PCYT1B: variants seen among roughly 807,000 people sequenced by gnomAD.
The protein encoded by PCYT1B is phosphate cytidylyltransferase 1B, choline.
Under a neutral mutation model 26.4 loss-of-function variants are expected in PCYT1B, and 10 were observed. That is an observed-to-expected ratio of 0.38 (90% CI 0.23 to 0.64). The LOEUF is 0.64. Among genes scored for constraint, PCYT1B ranks in the 30% least tolerant of loss-of-function variants. PCYT1B has a pLI of 0.56. For synonymous variants in PCYT1B, 131 were observed against 108.4 expected (o/e 1.21, Z -1.29); for missense variants, 161 against 292.7 (o/e 0.55, Z 3.28).
rs112899360 is a variant in PCYT1B, at chrX:24,577,775, G to A, written c.708+1541C>T. ...ATGAATCATCCTTTGAAAATACAGC[G>A]TCTATTTTGGGGGTTAGAATTCTGT... On this transcript the variant is annotated intron_variant, in intron 6 of 7. Transcript: ENST00000379144. Among the ~76,000 whole-genome samples, 861 of 111,448 alleles carry A rather than the reference G, an allele frequency of 7.7e-3. 4 individuals carry two copies. Among genetic ancestry groups the A allele is most frequent in the Non-Finnish European group, 0.012 (636 of 53,159 alleles).
chrX:24,670,100 GA>G (rs1569261863), intron 1 of PCYT1B, among the ~76,000 whole-genome samples: 93 of 83,989 alleles, frequency 1.1e-3, no homozygotes, highest in East Asian at 4.2e-3. Flanking sequence ...AAGAAAGAAA[GA>G]AAGAAAGAAA....
Position 24,562,368 on chromosome X carries a change from G to A in PCYT1B, c.1035C>T (p.Thr345=), listed in dbSNP as rs142449353. 6 of 1,178,036 alleles carry A rather than the reference G, an allele frequency of 5.1e-6. No homozygotes were observed. The highest frequency in any genetic ancestry group is 6.8e-6 in the Non-Finnish European group (6 of 880,163). The change falls in exon 8 of 8, where the codon ACC becomes ACT. Residue 345 remains threonine (T), a synonymous_variant. Transcript: ENST00000379144. ...SPTFSWLPLK[T]SPPSSPKAAS... ...CTGCTTTGGGTGAGGAAGGGGGTGAGGTTTTGAGTGGAAGCCATGAGAAGG... is the reference window on the plus strand; with the variant it reads ...CTGCTTTGGGTGAGGAAGGGGGTGAAGTTTTGAGTGGAAGCCATGAGAAGG...
At chrX:24,645,056 T>C (rs1255983632) in intron 1 of PCYT1B, among the ~76,000 whole-genome samples, 1 of 110,950 alleles carries the variant, frequency 9.0e-6, no homozygotes. Context: ...ATAGTGAGAC[T>C]CCATCTTAAA....
At chrX:24,644,282 T>C (rs1463927336) in intron 1 of PCYT1B, among the ~76,000 whole-genome samples, 1 of 111,800 alleles carries the variant, frequency 8.9e-6, no homozygotes, top group Non-Finnish European at 1.9e-5. Context: ...AAAATTTTAG[T>C]AGTGTTTTAT....
chrX:24,588,446 C>A (rs1338901352), intron 4 of PCYT1B, among the ~76,000 whole-genome samples: 1 of 111,689 alleles, frequency 9.0e-6, no homozygotes, highest in Non-Finnish European at 1.9e-5. Flanking sequence ...ACACTCCTTG[C>A]CTAGATTTTA....
At chrX:24,589,565 G>A (rs934341413) in intron 4 of PCYT1B, among the ~76,000 whole-genome samples, 2 of 111,957 alleles carry the variant, frequency 1.8e-5, no homozygotes, top group East Asian at 5.6e-4. Flanking sequence ...CCTGTGAATC[G>A]ATAAGCATCA....
rs1417971951 is a variant in PCYT1B at position 24,560,391 on chromosome X, G to T, written c.*1902C>A. The T allele has an allele frequency of 1.8e-5, 2 of 111,790 alleles. No individual in the cohort carries two copies. Among genetic ancestry groups the T allele is most frequent in the Non-Finnish European group, 3.8e-5 (2 of 53,191 alleles). 9.2% of individuals were successfully genotyped at this position (111,790 alleles called of 1,213,427 possible). A position where few individuals can be genotyped will look rare whatever the true frequency, so the allele number is the denominator to read the frequency against. ...CATGGCTTGACCTGAGTGCATGATG[G>T]AAGACAGAGACCAAATGGAAGAATG... On this transcript the variant is annotated 3_prime_UTR_variant, in exon 8 of 8. Coordinates refer to ENST00000379144, the MANE Select transcript of PCYT1B (RefSeq NM_004845.5).
intron 5 of PCYT1B, among the ~76,000 whole-genome samples, chrX:24,585,882 T>A (rs1464535645): frequency 9.0e-6 from 1 of 110,906 alleles, no homozygotes; most frequent in Non-Finnish European, 1.9e-5. Flanking sequence ...ACAAAAGACC[T>A]GATCACGACA....
chrX:24,583,977 T>G (rs769856964), intron 5 of PCYT1B, among the ~76,000 whole-genome samples: 2 of 112,092 alleles, frequency 1.8e-5, no homozygotes, highest in East Asian at 5.6e-4. Flanking sequence ...CTATAACAAA[T>G]CCTTATGGCA....
At position 24,593,376 on chromosome X, in the gene PCYT1B, T is replaced by TTC. The variant is rs768489805; in HGVS notation, c.335-3204_335-3203dup. Among the ~76,000 whole-genome samples the TTC allele has an allele frequency of 3.4e-4, 37 of 108,231 alleles. No homozygotes were observed. In the South Asian group the frequency reaches 0.011, roughly 33 times the overall value. 94.0% of individuals were successfully genotyped at this position (108,231 alleles called of 115,157 possible). On this transcript the variant is annotated intron_variant, in intron 3 of 7. Coordinates refer to ENST00000379144, the MANE Select transcript of PCYT1B (RefSeq NM_004845.5). ...TTCTTTCTTTCTTTCGTTTCTTTCT[T>TTC]TCTCTCTCTCTCTCTTTCCTTCTTT...
intron 5 of PCYT1B, among the ~76,000 whole-genome samples, chrX:24,585,061 A>AG (rs1924324835): frequency 9.0e-6 from 1 of 111,520 alleles, no homozygotes; most frequent in Non-Finnish European, 1.9e-5. Context: ...AAATTAATTA[A>AG]GGGGCAGTTT....
At chrX:24,617,952 C>T (rs988964508) in intron 2 of PCYT1B, among the ~76,000 whole-genome samples, 1 of 111,742 alleles carries the variant, frequency 8.9e-6, no homozygotes, top group African/African-American at 3.3e-5. Flanking sequence ...CTGTTCTGCT[C>T]CCTCCCGGAA....
intron 1 of PCYT1B, among the ~76,000 whole-genome samples, chrX:24,634,796 T>C (rs1279772943): frequency 9.0e-6 from 1 of 111,052 alleles, no homozygotes; most frequent in African/African-American, 3.3e-5. Context: ...TGCAATGAAA[T>C]AGGAAAGCAA....
At chrX:24,569,372 G>A (rs1923745403) in intron 7 of PCYT1B, among the ~76,000 whole-genome samples, 2 of 110,992 alleles carry the variant, frequency 1.8e-5, no homozygotes, top group South Asian at 7.6e-4. Flanking sequence ...CGGCCACTAT[G>A]GAAAACAGTA....
At chrX:24,651,026 G>A (rs1926751624), upstream of PCYT1B, among the ~76,000 whole-genome samples, 1 of 111,662 alleles carries the variant, frequency 9.0e-6, no homozygotes, top group Non-Finnish European at 1.9e-5. Context: ...CCAAAAACAT[G>A]AGCCCAATTA....
At chrX:24,625,931 T>C (rs1203885532) in intron 1 of PCYT1B, among the ~76,000 whole-genome samples, 6 of 107,679 alleles carry the variant, frequency 5.6e-5, no homozygotes, top group Non-Finnish European at 7.7e-5. Flanking sequence ...CTGGCCAACA[T>C]GGTGAAACCC....
intron 6 of PCYT1B, among the ~76,000 whole-genome samples, chrX:24,578,255 G>A (rs748861968): frequency 1.9e-4 from 21 of 110,210 alleles, no homozygotes; most frequent in East Asian, 8.5e-4. Context: ...ACCAAACACC[G>A]CGTGTTCTCA....
At chrX:24,634,959 A>G (rs754565201) in intron 1 of PCYT1B, among the ~76,000 whole-genome samples, 2 of 112,290 alleles carry the variant, frequency 1.8e-5, no homozygotes, top group Admixed American at 9.5e-5. Flanking sequence ...ATTATCTCAC[A>G]GAAGACCATT....
chrX:24,645,749 C>T (rs1926602557), intron 1 of PCYT1B, among the ~76,000 whole-genome samples: 1 of 111,431 alleles, frequency 9.0e-6, no homozygotes, highest in Admixed American at 9.6e-5. Context: ...TACTATTAAA[C>T]TGCCCTAAGA....
Sources: gnomAD v4.1 joint callset for allele counts (sites outside exome capture counted in the v4.1 genomes callset) on GRCh38, gnomAD v4.1.1 for gene constraint, MANE v1.5 for transcripts, NCBI Gene and HGNC (gene_info 2026-07-23, HGNC 2026-07-21) for gene names.